Variants in ACTN1 observed in about 807,000 individuals in gnomAD.
ACTN1 encodes the protein actinin alpha 1.
Under a neutral mutation model 119.6 loss-of-function variants are expected in ACTN1, and 30 were observed. The ratio of observed to expected loss-of-function variants is 0.25; its 90% CI spans 0.19 to 0.34. The LOEUF is 0.34. Ranked by LOEUF, ACTN1 falls within the 10% of genes least tolerant of loss-of-function variation. The pLI, the probability that ACTN1 is intolerant of heterozygous loss-of-function variation, is 1.00. For synonymous variants in ACTN1, 429 were observed against 472.6 expected (o/e 0.91, Z 1.20); for missense variants, 764 against 1,223.4 (o/e 0.62, Z 5.60).
intron 3 of ACTN1, among the ~76,000 whole-genome samples, chr14:68,917,435 G>A (rs1424112528): frequency 6.6e-6 from 1 of 152,170 alleles, no homozygotes; most frequent in Non-Finnish European, 1.5e-5. Context: ...GGGGTGAGGG[G>A]TGTCCCTGCT....
At position 68,880,064 on chromosome 14, in the gene ACTN1, C is replaced by T; in HGVS notation, c.2178G>A (p.Arg726=). The change falls in exon 18 of 22, where the codon AGG becomes AGA. Residue 726 remains arginine (R), a synonymous_variant. Coordinates refer to ENST00000394419, the MANE Select transcript of ACTN1 (RefSeq NM_001130004.2). This position sits in a 1 kb window ranked among gnomAD's most constrained non-coding sequence, Gnocchi z 4.6. The part of the protein sequence containing the change: ...GWEQLLTTIA[R]TINEVENQIL... ...TCTGGTTCTCTACCTCATTGATGGT[C>T]CTGGCGATGGTGGTGAGCAGCTGCT... 1 of 1,614,194 alleles carries T rather than the reference C, an allele frequency of 6.2e-7. No individual in the cohort carries two copies. Among genetic ancestry groups the T allele is most frequent in the South Asian group, 1.1e-5 (1 of 91,086 alleles).
In ACTN1 at chr14:68,882,438, C is replaced by T. The variant is rs1273517311; in HGVS notation, c.1953+20G>A. The T allele has an allele frequency of 6.2e-7, 1 of 1,612,900 alleles. No individual in the cohort carries two copies. The highest frequency in any genetic ancestry group is 1.7e-5 in the Admixed American group (1 of 60,008). On this transcript the variant is annotated intron_variant, in intron 16 of 21. Coordinates refer to ENST00000394419, the MANE Select transcript of ACTN1 (RefSeq NM_001130004.2). This position sits in a 1 kb window ranked among gnomAD's most constrained non-coding sequence, Gnocchi z 4.5. ...GGGAGGGGTGGGAGCCCCAGCACTG[C>T]TTCCCAGCATGGGACCCACCTCCAT...
chr14:68,883,691 T>A (rs1238669198), intron 14 of ACTN1, among the ~76,000 whole-genome samples: 1 of 152,150 alleles, frequency 6.6e-6, no homozygotes, highest in Non-Finnish European at 1.5e-5. Flanking sequence ...AGCAGGAGGA[T>A]CGCTTAAGCC....
Position 68,878,709 on chromosome 14 carries a change from G to A in ACTN1, c.2362-186C>T, listed in dbSNP as rs2031177486. 6.5e-7 allele frequency: 1 copy of A among 1,537,286 alleles called. No homozygotes were observed. The highest frequency in any genetic ancestry group is 8.7e-7 in the Non-Finnish European group (1 of 1,147,096). The stretch of plus-strand genomic sequence containing the variant: ...ACACACATCGGTGGAAATGTCCAAA[G>A]ACAGGAGGAAGACAGAGCAGGGAGA... On this transcript the variant is annotated intron_variant, in intron 19 of 21. Coordinates refer to ENST00000394419, the MANE Select transcript of ACTN1 (RefSeq NM_001130004.2). The surrounding 1 kb of genome is among the most constrained non-coding windows in gnomAD (Gnocchi z 4.4).
Position 68,963,357 on chromosome 14 carries a change from G to C in ACTN1, c.105+15595C>G, listed in dbSNP as rs375065408. On this transcript the variant is annotated intron_variant, in intron 1 of 21. Coordinates refer to ENST00000394419, the MANE Select transcript of ACTN1 (RefSeq NM_001130004.2). ...GAGACCATGCATCTGTCCCTCATCT[G>C]GAAAGAATGTCTGCTTTATGTTTGT... Among the ~76,000 whole-genome samples the C allele has an allele frequency of 1.2e-3, 177 of 152,280 alleles. 1 individual carries two copies. Among genetic ancestry groups the C allele is most frequent in the African/African-American group, 4.1e-3 (170 of 41,548 alleles).
intron 1 of ACTN1, among the ~76,000 whole-genome samples, chr14:68,936,407 G>A (rs568098960): frequency 9.5e-4 from 145 of 152,086 alleles, no homozygotes; most frequent in Non-Finnish European, 1.8e-3. Context: ...GCTGCCTCCA[G>A]GGAGAGAAAT....
intron 3 of ACTN1, 149 bp from the exon 4 acceptor site, chr14:68,912,391 T>G: frequency 1.5e-6 from 1 of 675,312 alleles, no homozygotes; most frequent in South Asian, 1.9e-5. Flanking sequence ...TTTTTGCTTG[T>G]TTTTGAGACA....
At position 68,921,118 on chromosome 14, in the gene ACTN1, G is replaced by A; in HGVS notation, c.228C>T (p.Arg76=). ...TCTTGCCTCGCTCTGGCTTGGCCAA[G>A]CGTTCACCTGTTTGGATCAAGAGGG... The part of the protein sequence containing the change: ...MLLLEVISGE[R]LAKPERGKMR... Residue 76 remains arginine (R), a synonymous_variant, in exon 3 of 22, where the codon CGC becomes CGT. Coordinates refer to ENST00000394419, the MANE Select transcript of ACTN1 (RefSeq NM_001130004.2). 1 of 1,614,162 alleles carries A rather than the reference G, an allele frequency of 6.2e-7. No homozygotes were observed. The highest frequency in any genetic ancestry group is 8.5e-7 in the Non-Finnish European group (1 of 1,180,014).
chr14:68,889,532 C>T (rs558199646), intron 11 of ACTN1, among the ~76,000 whole-genome samples: 37 of 152,088 alleles, frequency 2.4e-4, no homozygotes, highest in Non-Finnish European at 4.3e-4. Flanking sequence ...CAGTGGCTCA[C>T]GCCTGTAATC....
chr14:68,977,860 G>C (rs1198507255), intron 1 of ACTN1: 1 of 436,314 alleles, frequency 2.3e-6, no homozygotes, highest in Non-Finnish European at 4.6e-6. Flanking sequence ...GGTATGAAAC[G>C]GGGAGGGACC....
In ACTN1 at chr14:68,874,836, C is replaced by T. The variant is rs545396188; in HGVS notation, c.*23G>A. ...GCAAGGCAGGGCACGGCGCACAAGA[C>T]GAGGGCGGCCGGGCGGGGTGGATTA... On this transcript the variant is annotated 3_prime_UTR_variant, in exon 22 of 22. Transcript: ENST00000394419. 23 of 1,547,286 alleles carry T rather than the reference C, an allele frequency of 1.5e-5. No homozygotes were observed. Among genetic ancestry groups the T allele is most frequent in the East Asian group, 1.4e-4 (6 of 43,802 alleles).
intron 1 of ACTN1, among the ~76,000 whole-genome samples, chr14:68,931,172 A>G (rs1386476326): frequency 6.6e-6 from 1 of 152,204 alleles, no homozygotes; most frequent in African/African-American, 2.4e-5. Flanking sequence ...GCTGAATCTC[A>G]TAGGGTATCA....
Position 68,978,976 on chromosome 14 carries a change from C to T in ACTN1, c.81G>A (p.Pro27=), listed in dbSNP as rs745806229. The part of the protein sequence containing the change: ...EDWDRDLLLD[P]AWEKQQRKTF... ...CCTTTCTCTGCTGCTTCTCCCAGGC[C>T]GGGTCCAGGAGCAGGTCCCGGTCCC... Residue 27 remains proline, a synonymous_variant, in exon 1 of 22, where the codon CCG becomes CCA. Coordinates refer to ENST00000394419, the MANE Select transcript of ACTN1 (RefSeq NM_001130004.2). 2.5e-6 allele frequency: 4 copies of T among 1,600,190 alleles called. No homozygotes were observed. Among genetic ancestry groups the T allele is most frequent in the Admixed American group, 1.7e-5 (1 of 58,304 alleles).
At position 68,950,462 on chromosome 14, in the gene ACTN1, G is replaced by GTGTGTGTGTGTGTATATATATATATATA; in HGVS notation, c.106-24791_106-24790insTATATATATATATATACACACACACACA. 1.2e-4 allele frequency among the ~76,000 whole-genome samples: 15 copies of GTGTGTGTGTGTGTATATATATATATATA among 125,938 alleles called. 1 individual carries two copies. Among genetic ancestry groups the GTGTGTGTGTGTGTATATATATATATATA allele is most frequent in the East Asian group, 3.9e-4 (2 of 5,108 alleles). 82.6% of individuals were successfully genotyped at this position (125,938 alleles called of 152,430 possible). On this transcript the variant is annotated intron_variant, in intron 1 of 21. Coordinates refer to ENST00000394419, the MANE Select transcript of ACTN1 (RefSeq NM_001130004.2). ...TTTACCATAATATATATGCGTGTGT[G>GTGTGTGTGTGTGTATATATATATATATA]TATATATATATATATAAATCAAACA...
In ACTN1 at chr14:68,874,365, G is replaced by C. The variant is rs1165284615; in HGVS notation, c.*494C>G. The C allele has an allele frequency of 6.5e-6, 1 of 152,706 alleles. No homozygotes were observed. Among genetic ancestry groups the C allele is most frequent in the African/African-American group, 2.4e-5 (1 of 41,428 alleles). The allele number at this position is 152,706 out of a possible 1,614,324, so 9.5% of individuals were successfully genotyped here. A position where few individuals can be genotyped will look rare whatever the true frequency, so the allele number is the denominator to read the frequency against. On this transcript the variant is annotated 3_prime_UTR_variant, in exon 22 of 22. Coordinates refer to ENST00000394419, the MANE Select transcript of ACTN1 (RefSeq NM_001130004.2). ...TATCATAAAATATTTTCATGGACAA[G>C]TGAGCTAGCAAACACACATGCACCA...
chr14:68,943,142 G>C (rs1034901201), intron 1 of ACTN1, among the ~76,000 whole-genome samples: 1 of 152,120 alleles, frequency 6.6e-6, no homozygotes, highest in African/African-American at 2.4e-5. Context: ...CGGTGGTCTG[G>C]GGTGTCAACA....
chr14:68,904,502 C>G (rs2033544371), intron 7 of ACTN1, among the ~76,000 whole-genome samples, 153 bp downstream of exon 7: 1 of 152,204 alleles, frequency 6.6e-6, no homozygotes, highest in African/African-American at 2.4e-5. Context: ...GGAAGAATCC[C>G]CAAGAGGCTG....
Position 68,919,287 on chromosome 14 carries a change from C to T in ACTN1, c.340+1719G>A, listed in dbSNP as rs541219073. Among the ~76,000 whole-genome samples the T allele has an allele frequency of 4.6e-5, 7 of 152,310 alleles. No homozygotes were observed. The South Asian group carries it at 8.3e-4, about 18-fold the overall frequency. On this transcript the variant is annotated intron_variant, in intron 3 of 21. Coordinates refer to ENST00000394419, the MANE Select transcript of ACTN1 (RefSeq NM_001130004.2). ...TAGGACATGACTCTCTAGCTTGCCA[C>T]GGTCCCTACCCACCCCTGCCACTGA...
At chr14:68,902,076 T>C (rs1383147019) in intron 8 of ACTN1, among the ~76,000 whole-genome samples, 3 of 152,214 alleles carry the variant, frequency 2.0e-5, no homozygotes, top group South Asian at 2.1e-4. Flanking sequence ...TCTCCCAGCA[T>C]TGCCCTTCTA....
Sources: gnomAD v4.1 joint callset for allele counts (sites outside exome capture counted in the v4.1 genomes callset) on GRCh38, gnomAD v4.1.1 for gene constraint, Gnocchi (gnomAD v3.1) non-coding constraint, MANE v1.5 for transcripts, NCBI Gene and HGNC (gene_info 2026-07-23, HGNC 2026-07-21) for gene names.